GABRA2: variants seen among roughly 807,000 people sequenced by gnomAD.
The protein encoded by GABRA2 is gamma-aminobutyric acid type A receptor subunit alpha2, also known as gamma-aminobutyric acid receptor subunit alpha-2.
GABRA2 carries 16 observed loss-of-function variants against 48.7 expected under a neutral mutation model. The ratio of observed to expected loss-of-function variants is 0.33; its 90% CI spans 0.22 to 0.50. The LOEUF (loss-of-function observed/expected upper bound fraction) is 0.50. Ranked by LOEUF, GABRA2 falls within the 20% of genes least tolerant of loss-of-function variation. The probability of loss-of-function intolerance (pLI) is 0.98; values close to 1 mark genes in which losing one functional copy is unlikely to be tolerated. For missense variants in GABRA2, 275 were observed against 535.6 expected (o/e 0.51, Z 4.80); for synonymous variants, 185 against 184.5 (o/e 1.00, Z -0.02).
intron 4 of GABRA2, among the ~76,000 whole-genome samples, chr4:46,326,449 A>C (rs1054917031): frequency 6.6e-6 from 1 of 151,274 alleles, no homozygotes; most frequent in African/African-American, 2.4e-5. Flanking sequence ...CAGATATCTG[A>C]TGAAAGCACA....
chr4:46,381,136 G>T (rs778167691), intron 3 of GABRA2, among the ~76,000 whole-genome samples: 1 of 152,090 alleles, frequency 6.6e-6, no homozygotes, highest in Non-Finnish European at 1.5e-5. Flanking sequence ...AGATTTCAAG[G>T]CTTGTCATAG....
At chr4:46,275,175 T>A (rs1450488491) in intron 8 of GABRA2, among the ~76,000 whole-genome samples, 1 of 152,112 alleles carries the variant, frequency 6.6e-6, no homozygotes, top group African/African-American at 2.4e-5. Flanking sequence ...ATTAAACCCA[T>A]CATCTTAATG....
intron 5 of GABRA2, among the ~76,000 whole-genome samples, chr4:46,311,857 G>A (rs1294025912): frequency 6.6e-6 from 1 of 152,192 alleles, no homozygotes; most frequent in African/African-American, 2.4e-5. Context: ...CCAGCACTTT[G>A]GGATGCCGAG....
rs1470756266 is a variant in GABRA2 at position 46,243,841 on chromosome 4, G to T, written c.*6467C>A. 1 of 151,474 alleles carries T rather than the reference G, an allele frequency of 6.6e-6. No individual in the cohort carries two copies. The highest frequency in any genetic ancestry group is 2.4e-5 in the African/African-American group (1 of 41,378). 9.4% of individuals were successfully genotyped at this position (151,474 alleles called of 1,614,324 possible). Reference sequence around the variant, plus strand: ...GGTTCCTCACATTCTCTCTGCATGTGATCGTATTATTAATTTGTAGCAAAG... The same window carrying T: ...GGTTCCTCACATTCTCTCTGCATGTTATCGTATTATTAATTTGTAGCAAAG... On this transcript the variant is annotated 3_prime_UTR_variant, in exon 10 of 10. Coordinates refer to ENST00000381620, the MANE Select transcript of GABRA2 (RefSeq NM_000807.4).
chr4:46,385,683 AT>A (rs1202552907), intron 3 of GABRA2, among the ~76,000 whole-genome samples: 1 of 152,160 alleles, frequency 6.6e-6, no homozygotes, highest in African/African-American at 2.4e-5. Flanking sequence ...TATGTTCCTC[AT>A]TTCTGTGTAT....
At chr4:46,265,498 A>AC (rs1718025803) in intron 8 of GABRA2, among the ~76,000 whole-genome samples, 2 of 143,220 alleles carry the variant, frequency 1.4e-5, no homozygotes, top group African/African-American at 5.3e-5. Context: ...ATATATATAT[A>AC]TATATGTTTT....
At chr4:46,273,508 T>TGC (rs1183685502) in intron 8 of GABRA2, among the ~76,000 whole-genome samples, 51 of 40,910 alleles carry the variant, frequency 1.2e-3, no homozygotes, top group African/African-American at 5.3e-3. Context: ...TATGCATATA[T>TGC]ATATATATAT....
At chr4:46,383,931 T>C (rs902622235) in intron 3 of GABRA2, among the ~76,000 whole-genome samples, 6 of 152,150 alleles carry the variant, frequency 3.9e-5, no homozygotes, top group African/African-American at 1.4e-4. Flanking sequence ...ACCAGAGAAA[T>C]AGACTGTGGA....
At chr4:46,356,397 A>G (rs1183308868) in intron 3 of GABRA2, among the ~76,000 whole-genome samples, 1 of 151,038 alleles carries the variant, frequency 6.6e-6, no homozygotes, top group African/African-American at 2.4e-5. Flanking sequence ...CAGGAAGAAA[A>G]CATACTTGCA....
chr4:46,344,459 G>A (rs989338682), intron 3 of GABRA2, among the ~76,000 whole-genome samples: 12 of 152,044 alleles, frequency 7.9e-5, no homozygotes, highest in Admixed American at 1.3e-4. Flanking sequence ...TCAAAAAGCC[G>A]TGAGAAATTT....
At chr4:46,315,556 G>A (rs1728407163) in intron 4 of GABRA2, among the ~76,000 whole-genome samples, 1 of 151,706 alleles carries the variant, frequency 6.6e-6, no homozygotes, top group South Asian at 2.1e-4. Context: ...TTCTCCACCT[G>A]CCTCAGTCCC....
At chr4:46,299,675 CTTT>C (rs200453930) in intron 8 of GABRA2, among the ~76,000 whole-genome samples, 56,759 of 139,304 alleles carry the variant, frequency 0.41, 10,887 homozygotes, top group East Asian at 0.52. Context: ...GGGTTTCTTT[CTTT>C]TTTTTTTTTT....
rs536086 is a variant in GABRA2 at position 46,245,204 on chromosome 4, G to C, written c.*5104C>G. Among the ~76,000 whole-genome samples, 89,082 of 150,810 alleles carry C rather than the reference G, an allele frequency of 0.59. 26,605 individuals carry two copies. The highest frequency in any genetic ancestry group is 0.78 in the South Asian group (3,748 of 4,822). On this transcript the variant is annotated 3_prime_UTR_variant, in exon 10 of 10. Coordinates refer to ENST00000381620, the MANE Select transcript of GABRA2 (RefSeq NM_000807.4). The stretch of plus-strand genomic sequence containing the variant: ...CATAAAAAACTTAGAACGTTGACTA[G>C]TATGTGATGGGCTCTCTGTAAGAAT...
chr4:46,322,468 AC>A (rs1729619925), intron 4 of GABRA2, among the ~76,000 whole-genome samples: 1 of 151,826 alleles, frequency 6.6e-6, no homozygotes, highest in South Asian at 2.1e-4. Flanking sequence ...CCACGCCCCA[AC>A]ACATGCACCC....
chr4:46,390,082 C>G lies in GABRA2; in HGVS notation c.-358G>C, dbSNP rs1317997146. The G allele has an allele frequency of 1.1e-6, 1 of 938,954 alleles. No homozygotes were observed. Among genetic ancestry groups the G allele is most frequent in the East Asian group, 1.2e-4 (1 of 8,336 alleles). The allele number at this position is 938,954 out of a possible 1,614,324, so 58.2% of individuals were successfully genotyped here. A position where few individuals can be genotyped will look rare whatever the true frequency, so the allele number is the denominator to read the frequency against. ...GGGGGGGAAATTGGGGGGACGCGGG[C>G]GGAGGCGCGGTGCGCGCCGGCGGTG... On this transcript the variant is annotated 5_prime_UTR_variant, in exon 1 of 10. Coordinates refer to ENST00000381620, the MANE Select transcript of GABRA2 (RefSeq NM_000807.4).
intron 3 of GABRA2, among the ~76,000 whole-genome samples, chr4:46,358,569 C>T (rs1712589392): frequency 6.6e-6 from 1 of 152,122 alleles, no homozygotes; most frequent in African/African-American, 2.4e-5. Flanking sequence ...AGAATTTGCA[C>T]CTCTTTAAGA....
At chr4:46,253,763 G>A (rs1194147980) in intron 9 of GABRA2, among the ~76,000 whole-genome samples, 2 of 151,338 alleles carry the variant, frequency 1.3e-5, no homozygotes, top group Non-Finnish European at 3.0e-5. Context: ...CCAATTCACT[G>A]AATGAAGGGC....
In GABRA2 at chr4:46,249,655, A is replaced by T. The variant is rs1714336276; in HGVS notation, c.*653T>A. Reference sequence around the variant, plus strand: ...CTCTGAAGCTAAAAATGTAATGACCATGACATTCCAATAGTTATTACATCG... The same window carrying T: ...CTCTGAAGCTAAAAATGTAATGACCTTGACATTCCAATAGTTATTACATCG... On this transcript the variant is annotated 3_prime_UTR_variant, in exon 10 of 10. Transcript: ENST00000381620. 6.6e-6 allele frequency: 1 copy of T among 151,516 alleles called. No individual in the cohort carries two copies. Among genetic ancestry groups the T allele is most frequent in the African/African-American group, 2.4e-5 (1 of 41,364 alleles). The allele number at this position is 151,516 out of a possible 1,614,324, so 9.4% of individuals were successfully genotyped here. A position where few individuals can be genotyped will look rare whatever the true frequency, so the allele number is the denominator to read the frequency against.
At chr4:46,388,934 TTTTCTTTC>T (rs1175818301) in intron 1 of GABRA2, 41 of 1,314,752 alleles carry the variant, frequency 3.1e-5, no homozygotes, top group Non-Finnish European at 3.8e-5. Context: ...TTCTTTCTTT[TTTTCTTTC>T]TTTCTTTCTT....
Sources: gnomAD v4.1 joint callset for allele counts (sites outside exome capture counted in the v4.1 genomes callset) on GRCh38, gnomAD v4.1.1 for gene constraint, MANE v1.5 for transcripts, NCBI Gene and HGNC (gene_info 2026-07-23, HGNC 2026-07-21) for gene names.